TNFRSF11A: variants seen among roughly 807,000 people sequenced by gnomAD.
The protein encoded by TNFRSF11A is TNF receptor superfamily member 11a.
A neutral mutation model predicts 55.7 loss-of-function variants in TNFRSF11A; 32 were observed. The ratio of observed to expected loss-of-function variants is 0.57; its 90% CI spans 0.43 to 0.77. TNFRSF11A has a LOEUF of 0.77. Ranked by LOEUF, TNFRSF11A falls within the 30% of genes least tolerant of loss-of-function variation. The pLI, the probability that TNFRSF11A is intolerant of heterozygous loss-of-function variation, is 0.00. For missense variants in TNFRSF11A, 753 were observed against 809.8 expected (o/e 0.93, Z 0.85); for synonymous variants, 311 against 331.0 (o/e 0.94, Z 0.65).
chr18:62,341,837 T>A (rs556167739), intron 1 of TNFRSF11A, among the ~76,000 whole-genome samples: 14 of 4,932 alleles, frequency 2.8e-3, no homozygotes, highest in Middle Eastern at 0.062. Context: ...TGAGAATGGC[T>A]TTTTTTTTTT....
In TNFRSF11A at chr18:62,375,085, GT is replaced by G. The variant is rs1280672002; in HGVS notation, c.1567+5614del. ...ACACCCTGCTAATTTTTGTGTGTGT[GT>G]TTTTTTTTTTTTAGAGACTGAGTTT... On this transcript the variant is annotated intron_variant, in intron 9 of 9. Transcript: ENST00000586569. Among the ~76,000 whole-genome samples the G allele has an allele frequency of 7.9e-3, 457 of 57,894 alleles. 1 individual carries two copies. Among genetic ancestry groups the G allele is most frequent in the African/African-American group, 0.011 (212 of 20,042 alleles). The allele number at this position is 57,894 out of a possible 152,430, so 38.0% of individuals were successfully genotyped here.
At position 62,359,950 on chromosome 18, in the gene TNFRSF11A, C is replaced by G. The variant is rs777009254; in HGVS notation, c.522-5C>G. 2 of 1,613,414 alleles carry G rather than the reference C, an allele frequency of 1.2e-6. No individual in the cohort carries two copies. The highest frequency in any genetic ancestry group is 1.1e-5 in the South Asian group (1 of 91,060). ...CAAAGCACTGAACCACCTTTTCCCCCACAGCTGTACCTTCCTTGGAAAGAG... is the reference window on the plus strand; with the variant it reads ...CAAAGCACTGAACCACCTTTTCCCCGACAGCTGTACCTTCCTTGGAAAGAG... On this transcript the variant is annotated splice_polypyrimidine_tract_variant and splice_region_variant and intron_variant, in intron 5 of 9. Transcript: ENST00000586569.
At chr18:62,350,829 T>C (rs1031971525) in intron 3 of TNFRSF11A, among the ~76,000 whole-genome samples, 2 of 152,176 alleles carry the variant, frequency 1.3e-5, no homozygotes, top group Non-Finnish European at 1.5e-5. Flanking sequence ...CTCTTAATTC[T>C]CTTAAGAAAC....
intron 1 of TNFRSF11A, among the ~76,000 whole-genome samples, chr18:62,346,751 T>C (rs1209931245): frequency 1.3e-4 from 20 of 152,230 alleles, no homozygotes; most frequent in Non-Finnish European, 1.0e-4. Context: ...GTGCTTTCTT[T>C]ATAAAGCTGC....
intron 9 of TNFRSF11A, among the ~76,000 whole-genome samples, chr18:62,384,219 C>T (rs1911494203): frequency 6.6e-6 from 1 of 152,068 alleles, no homozygotes; most frequent in Admixed American, 6.5e-5. Flanking sequence ...CCTAGGCTTG[C>T]TCGTTTCTCA....
chr18:62,341,654 C>A (rs1319780143), intron 1 of TNFRSF11A, among the ~76,000 whole-genome samples: 3 of 152,164 alleles, frequency 2.0e-5, no homozygotes, highest in Non-Finnish European at 2.9e-5. Flanking sequence ...CTCCCAGCAG[C>A]CTACTAGAAA....
intron 7 of TNFRSF11A, among the ~76,000 whole-genome samples, chr18:62,362,746 C>A (rs1909788661): frequency 6.6e-6 from 1 of 152,130 alleles, no homozygotes; most frequent in South Asian, 2.1e-4. Flanking sequence ...TTAAATCTTT[C>A]CTTTAATATT....
intron 1 of TNFRSF11A, among the ~76,000 whole-genome samples, chr18:62,329,037 G>A (rs553671286): frequency 6.6e-6 from 1 of 152,210 alleles, no homozygotes; most frequent in South Asian, 2.1e-4. Flanking sequence ...AAAGAGTGTT[G>A]TTTTAAGAAG....
chr18:62,336,124 T>C (rs1460048741), intron 1 of TNFRSF11A, among the ~76,000 whole-genome samples: 1 of 152,182 alleles, frequency 6.6e-6, no homozygotes, highest in African/African-American at 2.4e-5. Context: ...TCAATGTCTA[T>C]TGTACAGTCA....
chr18:62,337,800 T>C (rs1289474013), intron 1 of TNFRSF11A, among the ~76,000 whole-genome samples: 1 of 152,196 alleles, frequency 6.6e-6, no homozygotes. Context: ...ACTCTCTCGG[T>C]TGAGTTCTAT....
At chr18:62,336,066 T>C (rs2046228570) in intron 1 of TNFRSF11A, among the ~76,000 whole-genome samples, 1 of 152,152 alleles carries the variant, frequency 6.6e-6, no homozygotes, top group South Asian at 2.1e-4. Context: ...CCCCCATTCA[T>C]CAATAGATAA....
intron 9 of TNFRSF11A, among the ~76,000 whole-genome samples, chr18:62,384,442 C>A (rs1911526665): frequency 7.2e-6 from 1 of 138,880 alleles, no homozygotes; most frequent in African/African-American, 2.9e-5. Context: ...CCCTTTCTTT[C>A]CTCTCCTCCT....
intron 1 of TNFRSF11A, among the ~76,000 whole-genome samples, chr18:62,342,199 A>G (rs2046321492): frequency 6.6e-6 from 1 of 151,712 alleles, no homozygotes; most frequent in African/African-American, 2.4e-5. Context: ...TCAGGGGTTC[A>G]AGACCAGCCT....
In TNFRSF11A at chr18:62,348,735, A is replaced by G. The variant is rs527757040; in HGVS notation, c.157+486A>G. The stretch of plus-strand genomic sequence containing the variant: ...AGGTGGACTGGCTACCACCTGCCCC[A>G]AGTTGTTCTGCCAGAAGTGTGGCTG... On this transcript the variant is annotated intron_variant, in intron 2 of 9. Transcript: ENST00000586569. 2.0e-5 allele frequency among the ~76,000 whole-genome samples: 3 copies of G among 152,336 alleles called. No homozygotes were observed. The South Asian group carries it at 6.2e-4, about 32-fold the overall frequency.
intron 1 of TNFRSF11A, among the ~76,000 whole-genome samples, chr18:62,342,917 T>C (rs754676919): frequency 6.6e-6 from 1 of 152,258 alleles, no homozygotes; most frequent in Non-Finnish European, 1.5e-5. Context: ...AACAAAGTGC[T>C]TCAAAGAGAA....
intron 9 of TNFRSF11A, among the ~76,000 whole-genome samples, 194 bp downstream of exon 9, chr18:62,369,678 G>A (rs561785436): frequency 3.3e-5 from 5 of 152,330 alleles, no homozygotes; most frequent in African/African-American, 4.8e-5. Context: ...TGCGCCCAGC[G>A]CTGTGTGGCT....
At chr18:62,337,018 A>G (rs920324013) in intron 1 of TNFRSF11A, among the ~76,000 whole-genome samples, 17 of 151,258 alleles carry the variant, frequency 1.1e-4, no homozygotes, top group African/African-American at 4.2e-4. Context: ...CAAGGTGGTC[A>G]GAGGGGGAAA....
chr18:62,357,546 G>A (rs981411632), intron 4 of TNFRSF11A, among the ~76,000 whole-genome samples: 3 of 152,176 alleles, frequency 2.0e-5, no homozygotes, highest in Non-Finnish European at 4.4e-5. Flanking sequence ...TTAATGTATT[G>A]TTGGACTGCT....
chr18:62,360,890 G>A (rs1476139979), intron 6 of TNFRSF11A, among the ~76,000 whole-genome samples: 2 of 152,132 alleles, frequency 1.3e-5, no homozygotes, highest in African/African-American at 4.8e-5. Context: ...TTTCAGATGA[G>A]GAAAGAGAAC....
Sources: allele counts gnomAD v4.1 joint callset (sites outside exome capture counted in the v4.1 genomes callset), GRCh38; gene constraint gnomAD v4.1.1; transcripts MANE v1.5; gene names NCBI Gene and HGNC (gene_info 2026-07-23, HGNC 2026-07-21).